TESK2: variants seen among roughly 807,000 people sequenced by gnomAD.
The protein encoded by TESK2 is dual specificity testis-specific protein kinase 2.
TESK2 carries 39 observed loss-of-function variants against 57.1 expected under a neutral mutation model. The observed-to-expected ratio is 0.68, with a 90% CI of 0.53 to 0.89. TESK2 has a LOEUF of 0.89. TESK2 is among the 40% of genes least tolerant of loss of function. TESK2 has a pLI of 0.00. For missense variants in TESK2, 646 were observed against 732.1 expected (o/e 0.88, Z 1.36); for synonymous variants, 249 against 267.9 (o/e 0.93, Z 0.69).
intron 1 of TESK2, among the ~76,000 whole-genome samples, chr1:45,462,846 CATTTCT>C (rs1405828259): frequency 9.9e-5 from 15 of 152,234 alleles, no homozygotes; most frequent in Non-Finnish European, 2.9e-5. Flanking sequence ...TACTAATTTA[CATTTCT>C]ATCAATAGTG....
intron 3 of TESK2, among the ~76,000 whole-genome samples, chr1:45,410,991 T>A (rs1450184697): frequency 1.3e-5 from 2 of 152,188 alleles, no homozygotes; most frequent in Non-Finnish European, 2.9e-5. Context: ...ATAATAGCCC[T>A]TCCCAAAACT....
chr1:45,377,102 T>G (rs1422628143), intron 4 of TESK2, among the ~76,000 whole-genome samples: 1 of 151,936 alleles, frequency 6.6e-6, no homozygotes, highest in Non-Finnish European at 1.5e-5. Context: ...CACCTGTAGT[T>G]CCAGCTAATG....
Position 45,427,234 on chromosome 1 carries a change from CAAA to C in TESK2, c.223-5391_223-5389del, listed in dbSNP as rs111269135. On this transcript the variant is annotated intron_variant, in intron 2 of 10. Transcript: ENST00000372086. Reference sequence around the variant, plus strand: ...CTTCAGCCTCAGCAAGACTCTGTCTCAAAAAAAAAAAAAAAAAAAAAAAAAGAA... The same window carrying C: ...CTTCAGCCTCAGCAAGACTCTGTCTCAAAAAAAAAAAAAAAAAAAAAAGAA... 4.0e-4 allele frequency among the ~76,000 whole-genome samples: 52 copies of C among 129,498 alleles called. No homozygotes were observed. In the East Asian group the frequency reaches 0.01, roughly 26 times the overall value. 85.0% of individuals were successfully genotyped at this position (129,498 alleles called of 152,430 possible).
chr1:45,355,252 A>T, intron 5 of TESK2, 51 bp downstream of exon 5: 1 of 1,594,464 alleles, frequency 6.3e-7, no homozygotes, highest in Middle Eastern at 1.7e-4. Context: ...TTTCTTGGCA[A>T]AAGAGAAGGG....
intron 4 of TESK2, among the ~76,000 whole-genome samples, chr1:45,381,745 T>G (rs1220596801): frequency 6.6e-6 from 1 of 151,814 alleles, no homozygotes; most frequent in Non-Finnish European, 1.5e-5. Flanking sequence ...ATACACAGAA[T>G]TATATTTTCT....
At chr1:45,490,519 C>T (rs372209653) in intron 1 of TESK2, among the ~76,000 whole-genome samples, 7 of 152,112 alleles carry the variant, frequency 4.6e-5, no homozygotes, top group African/African-American at 1.7e-4. Flanking sequence ...AGCAGGGAGG[C>T]GCTCAGTGGG....
chr1:45,373,046 A>G (rs1481034152), intron 4 of TESK2, among the ~76,000 whole-genome samples: 2 of 151,506 alleles, frequency 1.3e-5, no homozygotes, highest in East Asian at 3.8e-4. Context: ...AAAAAAAAAA[A>G]AGAAAAGAAA....
At chr1:45,472,121 C>G (rs6669989) in intron 1 of TESK2, among the ~76,000 whole-genome samples, 30,901 of 150,664 alleles carry the variant, frequency 0.21, 3,446 homozygotes, top group Non-Finnish European at 0.26. Context: ...GTATGGTGGC[C>G]GGCACCTGTA....
At chr1:45,455,070 C>T (rs893081407) in intron 2 of TESK2, among the ~76,000 whole-genome samples, 4 of 152,086 alleles carry the variant, frequency 2.6e-5, no homozygotes, top group South Asian at 2.1e-4. Context: ...TTAATCAGGC[C>T]GCACTTTGGC....
rs1013072931 is a variant in TESK2 at position 45,490,953 on chromosome 1, C to G, written c.-188G>C. The G allele has an allele frequency of 6.6e-6, 1 of 152,510 alleles. No homozygotes were observed. The highest frequency in any genetic ancestry group is 2.4e-5 in the African/African-American group (1 of 41,578). The allele number at this position is 152,510 out of a possible 1,614,324, so 9.4% of individuals were successfully genotyped here. A position where few individuals can be genotyped will look rare whatever the true frequency, so the allele number is the denominator to read the frequency against. ...AACCCTCACAGCTCGTTGGTGGCAG[C>G]GGCTCCTTAGCCTGCGGAGGCGGTG... On this transcript the variant is annotated 5_prime_UTR_variant, in exon 1 of 11. Transcript: ENST00000372086.
At position 45,346,694 on chromosome 1, in the gene TESK2, TTACAGCAG is replaced by T; in HGVS notation, c.870_877del (p.Asn290LysfsTer33). The T allele has an allele frequency of 6.2e-7, 1 of 1,613,000 alleles. No individual in the cohort carries two copies. Among genetic ancestry groups the T allele is most frequent in the Non-Finnish European group, 8.5e-7 (1 of 1,179,510 alleles). ...AGGCAGAGGGAGAAAGACACTCACG[TTACAGCAG>T]TTGAAAGTAAGTTGCAGAAAATCTG... On this transcript the variant is annotated frameshift_variant and splice_region_variant, in exon 9 of 11. Coordinates refer to ENST00000372086, the MANE Select transcript of TESK2 (RefSeq NM_007170.3). LOFTEE classifies it high-confidence loss of function.
Position 45,347,927 on chromosome 1 carries a change from G to A in TESK2, c.614C>T (p.Pro205Leu), listed in dbSNP as rs536554780. 3 of 1,612,518 alleles carry A rather than the reference G, an allele frequency of 1.9e-6. No individual in the cohort carries two copies. The highest frequency in any genetic ancestry group is 1.3e-5 in the African/African-American group (1 of 74,986). Residue 205 changes from proline (P) to leucine (L), a missense_variant, in exon 6 of 11, where the codon CCC becomes CTC. By Grantham distance (98) the Pro-to-Leu change is moderately conservative. Coordinates refer to ENST00000372086, the MANE Select transcript of TESK2 (RefSeq NM_007170.3). ...VADFGLAEKI[P>L]DVSMGSEKLA... is the part of the protein sequence containing the mutation. ...CAGTAGGGCTACACACCTGACATCG[G>A]GGATCTTCTCAGCCAGGCCAAAGTC...
At chr1:45,392,341 G>A (rs2149277079) in intron 3 of TESK2, among the ~76,000 whole-genome samples, 1 of 152,282 alleles carries the variant, frequency 6.6e-6, no homozygotes, top group South Asian at 2.1e-4. Context: ...CCCACCTCAG[G>A]TGATCTGCCT....
intron 2 of TESK2, among the ~76,000 whole-genome samples, chr1:45,429,555 T>A (rs1228139763): frequency 6.6e-6 from 1 of 152,142 alleles, no homozygotes; most frequent in African/African-American, 2.4e-5. Context: ...ACAAAATTTA[T>A]CAAAATGCTA....
At chr1:45,395,240 G>C (rs1410244660) in intron 3 of TESK2, among the ~76,000 whole-genome samples, 2 of 152,154 alleles carry the variant, frequency 1.3e-5, no homozygotes, top group East Asian at 3.8e-4. Flanking sequence ...CATAATCATA[G>C]AGTGTACTTA....
At chr1:45,354,815 AATATATATATATAT>A (rs199613712) in intron 5 of TESK2, among the ~76,000 whole-genome samples, 4 of 40,674 alleles carry the variant, frequency 9.8e-5, no homozygotes, top group Admixed American at 5.1e-4. Context: ...AAAAAAAAAA[AATATATATATATAT>A]ATATATATAT....
chr1:45,481,980 A>G (rs183995328), intron 1 of TESK2, among the ~76,000 whole-genome samples: 1 of 152,310 alleles, frequency 6.6e-6, no homozygotes, highest in East Asian at 1.9e-4. Flanking sequence ...TTCTGGAGCC[A>G]CCTCCTGTTG....
At chr1:45,398,361 G>C (rs946175061) in intron 3 of TESK2, among the ~76,000 whole-genome samples, 4 of 152,158 alleles carry the variant, frequency 2.6e-5, no homozygotes, top group Admixed American at 6.6e-5. Context: ...GGCCAACATG[G>C]AGAAACCCAA....
At chr1:45,435,993 A>T (rs1651191430) in intron 2 of TESK2, among the ~76,000 whole-genome samples, 2 of 151,742 alleles carry the variant, frequency 1.3e-5, no homozygotes, top group African/African-American at 4.8e-5. Flanking sequence ...TATGTGTCTG[A>T]TTTATACAAA....
Sources: gnomAD v4.1 joint callset for allele counts (sites outside exome capture counted in the v4.1 genomes callset) on GRCh38, gnomAD v4.1.1 for gene constraint, MANE v1.5 for transcripts, NCBI Gene and HGNC (gene_info 2026-07-23, HGNC 2026-07-21) for gene names.